BCL7A: variants seen among roughly 807,000 people sequenced by gnomAD.
The protein encoded by BCL7A is B-cell CLL/lymphoma 7 protein family member A.
Under a neutral mutation model 28.4 loss-of-function variants are expected in BCL7A, and 11 were observed. That is an observed-to-expected ratio of 0.39 (90% CI 0.24 to 0.64). The LOEUF (loss-of-function observed/expected upper bound fraction) is 0.64, where lower values mean the gene tolerates loss of function less well. BCL7A is among the 30% of genes least tolerant of loss of function. BCL7A has a pLI of 0.50. For missense variants in BCL7A, 222 were observed against 274.8 expected, an observed-to-expected ratio of 0.81 and a Z score of 1.36; for synonymous variants, 123 against 103.3, an observed-to-expected ratio of 1.19 and a Z score of -1.15.
intron 4 of BCL7A, 102 bp from the exon 5 acceptor site, chr12:122,054,703 G>GC: frequency 8.4e-7 from 1 of 1,193,376 alleles, no homozygotes; most frequent in Admixed American, 2.1e-5. Context: ...AAGACCACTG[G>GC]CCCCAAAACT....
chr12:122,039,953 A>G (rs1883934986), intron 3 of BCL7A, among the ~76,000 whole-genome samples: 2 of 152,080 alleles, frequency 1.3e-5, no homozygotes, highest in South Asian at 4.1e-4. Context: ...TCCTCCCTCA[A>G]CCTCCCAAAG....
intron 1 of BCL7A, among the ~76,000 whole-genome samples, chr12:122,024,475 TTTG>T (rs1883569934): frequency 6.6e-6 from 1 of 151,292 alleles, no homozygotes. Flanking sequence ...TTTTTTTTTT[TTTG>T]GCCCCTTCTA....
At chr12:122,025,719 G>C (rs2135838112) in intron 1 of BCL7A, among the ~76,000 whole-genome samples, 1 of 151,990 alleles carries the variant, frequency 6.6e-6, no homozygotes, top group African/African-American at 2.4e-5. Context: ...GCCGAGGCAG[G>C]CAGGTCACCT....
At chr12:122,028,080 C>A (rs545788351) in intron 1 of BCL7A, among the ~76,000 whole-genome samples, 7 of 152,244 alleles carry the variant, frequency 4.6e-5, no homozygotes, top group African/African-American at 1.7e-4. Flanking sequence ...AGCTCCATGG[C>A]CCCTCCGGGT....
chr12:122,023,439 G>A (rs1407666764), intron 1 of BCL7A, among the ~76,000 whole-genome samples: 2 of 152,288 alleles, frequency 1.3e-5, no homozygotes, highest in African/African-American at 4.8e-5. Flanking sequence ...AAAAGCCACT[G>A]GGGGCGAGCC....
Position 122,054,880 on chromosome 12 carries a change from C to A in BCL7A, c.515C>A (p.Pro172Gln), listed in dbSNP as rs771783654. 2.5e-6 allele frequency: 4 copies of A among 1,614,052 alleles called. No individual in the cohort carries two copies. The African/African-American group carries it at 5.3e-5, about 22-fold the overall frequency. The change falls in exon 5 of 6, where the codon CCG (proline) becomes CAG (glutamine). Residue 172 changes from proline to glutamine, a missense_variant. Pro to Gln is a moderately conservative substitution (Grantham distance 76). Around this residue, in one of 2 missense-constraint regions of BCL7A, gnomAD observed 155 missense variants for 145.7 expected, o/e 1.06. Transcript: ENST00000261822. ...AGCTCAGAGAAAGTAGATCGGCAGC[C>A]GTCTGGAGACTCGGGTCTGGCCGCA... ...MNSSEKVDRQ[P>Q]SGDSGLAAET...
In BCL7A at chr12:122,031,326, C is replaced by A. The variant is rs190333846; in HGVS notation, c.174+545C>A. Among the ~76,000 whole-genome samples, 421 of 151,926 alleles carry A rather than the reference C, an allele frequency of 2.8e-3. 2 individuals carry two copies. Among genetic ancestry groups the A allele is most frequent in the African/African-American group, 9.7e-3 (401 of 41,524 alleles). On this transcript the variant is annotated intron_variant, in intron 2 of 5. Transcript: ENST00000261822. ...TTAAGGCGTGAACCAGTGCGCCCGG[C>A]CTGCAAGTTGTGTCTTCTGGGCCGA...
intron 1 of BCL7A, among the ~76,000 whole-genome samples, chr12:122,022,531 T>C (rs2135833272): frequency 7.3e-6 from 1 of 136,932 alleles, no homozygotes; most frequent in East Asian, 2.5e-4. Flanking sequence ...CAGAAGCCAT[T>C]TCGTTTTGTG....
chr12:122,035,108 C>T (rs1295851367), intron 2 of BCL7A, among the ~76,000 whole-genome samples: 1 of 152,206 alleles, frequency 6.6e-6, no homozygotes, highest in Admixed American at 6.5e-5. Context: ...AGCCTCAGAA[C>T]CCTCCCCACT....
intron 3 of BCL7A, among the ~76,000 whole-genome samples, chr12:122,036,657 C>A (rs895766279): frequency 1.3e-4 from 20 of 151,920 alleles, no homozygotes; most frequent in African/African-American, 4.8e-4. Context: ...CAGGTCCTCA[C>A]GGTTTTCTCC....
intron 1 of BCL7A, among the ~76,000 whole-genome samples, chr12:122,023,978 G>C (rs550662358): frequency 6.6e-6 from 1 of 152,166 alleles, no homozygotes; most frequent in African/African-American, 2.4e-5. Context: ...CAGGTTCCCG[G>C]CTGGACAGAG....
chr12:122,055,909 G>A (rs560077108), intron 5 of BCL7A, among the ~76,000 whole-genome samples: 48 of 152,142 alleles, frequency 3.2e-4, no homozygotes, highest in Admixed American at 8.5e-4. Context: ...GAGCCACTGC[G>A]CCTGGCAACT....
chr12:122,047,417 G>A (rs1030088161), intron 4 of BCL7A, among the ~76,000 whole-genome samples: 14 of 151,994 alleles, frequency 9.2e-5, no homozygotes, highest in African/African-American at 3.1e-4. Context: ...CCGGCTACTC[G>A]GGAGGCTGAG....
chr12:122,051,304 C>T (rs1355251552), intron 4 of BCL7A, among the ~76,000 whole-genome samples: 1 of 152,116 alleles, frequency 6.6e-6, no homozygotes, highest in Non-Finnish European at 1.5e-5. Context: ...GGGAAGGGCA[C>T]AAGGACAGAC....
chr12:122,030,338 C>G (rs934348604), intron 1 of BCL7A, among the ~76,000 whole-genome samples: 1 of 152,236 alleles, frequency 6.6e-6, no homozygotes, highest in Non-Finnish European at 1.5e-5. Context: ...CTGAAGCCCT[C>G]TCTGCTGCCC....
At chr12:122,049,936 G>T (rs1884156633) in intron 4 of BCL7A, among the ~76,000 whole-genome samples, 1 of 151,930 alleles carries the variant, frequency 6.6e-6, no homozygotes, top group Admixed American at 6.6e-5. Flanking sequence ...CTAGCACAGG[G>T]GTTCTCAGCC....
intron 4 of BCL7A, among the ~76,000 whole-genome samples, chr12:122,045,118 C>A (rs566188142): frequency 6.6e-6 from 1 of 152,126 alleles, no homozygotes; most frequent in Admixed American, 6.5e-5. Context: ...CGGTGGCTCA[C>A]GCCTGTAATC....
At chr12:122,034,686 G>A (rs1883814371) in intron 2 of BCL7A, among the ~76,000 whole-genome samples, 1 of 151,044 alleles carries the variant, frequency 6.6e-6, no homozygotes, top group African/African-American at 2.4e-5. Flanking sequence ...AGCTTGCAGT[G>A]AGCCATGATC....
Position 122,048,822 on chromosome 12 carries a change from C to T in BCL7A, c.439+4769C>T, listed in dbSNP as rs952378994. Among the ~76,000 whole-genome samples the T allele has an allele frequency of 2.6e-4, 39 of 151,776 alleles. 2 individuals are homozygous for T. The highest frequency in any genetic ancestry group is 2.9e-5 in the Non-Finnish European group (2 of 67,954). ...ATCACCTGAGGTCAGGAGTTCGAGA[C>T]CAGCCTGCCCAGCATGGCAAAACAC... On this transcript the variant is annotated intron_variant, in intron 4 of 5. Coordinates refer to ENST00000261822, the MANE Select transcript of BCL7A (RefSeq NM_001024808.3).
Sources: allele counts gnomAD v4.1 joint callset (sites outside exome capture counted in the v4.1 genomes callset), GRCh38; gene constraint gnomAD v4.1.1; regional missense constraint gnomAD v4.1.1; transcripts MANE v1.5; gene names NCBI Gene and HGNC (gene_info 2026-07-23, HGNC 2026-07-21).